Variants in DMD observed in about 807,000 individuals in gnomAD.
The protein encoded by DMD is dystrophin.
Under a neutral mutation model 330.1 loss-of-function variants are expected in DMD, and 63 were observed. The observed-to-expected ratio is 0.19, with a 90% CI of 0.16 to 0.24. The LOEUF is 0.24. DMD is among the 10% of genes least tolerant of loss of function. DMD has a pLI of 1.00. For missense variants in DMD, 3,344 were observed against 2,684.1 expected, an observed-to-expected ratio of 1.25 and a Z score of -5.43; for synonymous variants, 1,223 against 959.8, an observed-to-expected ratio of 1.27 and a Z score of -5.07.
intron 74 of DMD, among the ~76,000 whole-genome samples, chrX:31,166,440 C>G (rs981807899): frequency 9.0e-6 from 1 of 111,220 alleles, no homozygotes; most frequent in Non-Finnish European, 1.9e-5. Flanking sequence ...ATTAACAGAT[C>G]AATAAGTACA....
intron 36 of DMD, 45 bp downstream of exon 36, chrX:32,364,537 A>C (rs1296428269): frequency 1.7e-6 from 2 of 1,187,616 alleles, no homozygotes; most frequent in Non-Finnish European, 2.3e-6. Flanking sequence ...GATTGAAGTA[A>C]CTGGTGTACA....
chrX:31,341,610 T>C (rs781360703), intron 61 of DMD, among the ~76,000 whole-genome samples: 12 of 111,271 alleles, frequency 1.1e-4, no homozygotes, highest in Non-Finnish European at 1.7e-4. Flanking sequence ...TCGTTGGCAA[T>C]AGCAGATAGA....
chrX:33,105,314 C>T (rs2095276083), intron 1 of DMD, among the ~76,000 whole-genome samples: 1 of 111,395 alleles, frequency 9.0e-6, no homozygotes, highest in African/African-American at 3.3e-5. Context: ...AGACCTGAAA[C>T]CATAAAACTC....
At chrX:32,763,024 A>G (rs900721305) in intron 7 of DMD, among the ~76,000 whole-genome samples, 5 of 111,235 alleles carry the variant, frequency 4.5e-5, no homozygotes, top group Non-Finnish European at 9.4e-5. Flanking sequence ...AAAATGTCTC[A>G]GTTGACCTTA....
chrX:31,540,605 T>C (rs781692163), intron 55 of DMD, among the ~76,000 whole-genome samples: 17 of 111,929 alleles, frequency 1.5e-4, no homozygotes, highest in African/African-American at 5.2e-4. Flanking sequence ...TACACCAACC[T>C]ATATTTGACT....
At chrX:32,873,895 C>T (rs1052138498) in intron 2 of DMD, among the ~76,000 whole-genome samples, 1 of 112,185 alleles carries the variant, frequency 8.9e-6, no homozygotes, top group African/African-American at 3.2e-5. Context: ...CTAACAAGTC[C>T]TTTGCAATGA....
At chrX:31,957,650 G>A (rs956065234) in intron 45 of DMD, among the ~76,000 whole-genome samples, 4 of 111,616 alleles carry the variant, frequency 3.6e-5, no homozygotes, top group Admixed American at 2.9e-4. Flanking sequence ...ATAGTAGAGA[G>A]AGATAAAATA....
At chrX:32,799,034 TTC>T (rs1349887313) in intron 7 of DMD, among the ~76,000 whole-genome samples, 2 of 111,399 alleles carry the variant, frequency 1.8e-5, no homozygotes, top group African/African-American at 6.5e-5. Context: ...AAAAATATTC[TTC>T]TCTTTTATAG....
At chrX:32,346,707 A>G (rs2097765050) in intron 38 of DMD, among the ~76,000 whole-genome samples, 1 of 111,912 alleles carries the variant, frequency 8.9e-6, no homozygotes, top group African/African-American at 3.2e-5. Context: ...TAATTTAAAT[A>G]CGATCAAATA....
chrX:32,285,771 C>T (rs186821783), intron 43 of DMD, among the ~76,000 whole-genome samples: 2 of 111,280 alleles, frequency 1.8e-5, no homozygotes, highest in East Asian at 5.7e-4. Context: ...TGGATTTGGG[C>T]TCACTGCAGC....
At chrX:33,304,393 C>T (rs1216130565) in intron 1 of DMD, among the ~76,000 whole-genome samples, 6 of 111,326 alleles carry the variant, frequency 5.4e-5, no homozygotes, top group African/African-American at 9.8e-5. Context: ...ATCCCTTCCT[C>T]ACACCTTATA....
chrX:33,141,298 G>A (rs912919681), intron 1 of DMD, among the ~76,000 whole-genome samples: 4 of 111,189 alleles, frequency 3.6e-5, no homozygotes, highest in African/African-American at 1.3e-4. Context: ...AAGGCCTGCT[G>A]GAGTCAGGAA....
At chrX:33,112,482 G>A (rs1043342092) in intron 1 of DMD, among the ~76,000 whole-genome samples, 19 of 111,180 alleles carry the variant, frequency 1.7e-4, no homozygotes, top group African/African-American at 5.2e-4. Context: ...AACGCTATGC[G>A]GTTTATTGAC....
At chrX:32,898,744 G>A (rs1178785927) in intron 2 of DMD, among the ~76,000 whole-genome samples, 1 of 111,264 alleles carries the variant, frequency 9.0e-6, no homozygotes, top group African/African-American at 3.3e-5. Flanking sequence ...GATCACTTTT[G>A]TTGCCATCTG....
Position 32,465,789 on chromosome X carries a change from T to A in DMD, c.3163-1090A>T, listed in dbSNP as rs12687645. 1.3e-4 allele frequency among the ~76,000 whole-genome samples: 14 copies of A among 110,128 alleles called. No individual in the cohort carries two copies. The East Asian group carries it at 4.1e-3, about 32-fold the overall frequency. ...TTAGTAGAGACAGGGTTTCGCCATGTTGGCCAGCATGGTCTTGATCTCTTG... is the reference window on the plus strand; with the variant it reads ...TTAGTAGAGACAGGGTTTCGCCATGATGGCCAGCATGGTCTTGATCTCTTG... On this transcript the variant is annotated intron_variant, in intron 23 of 78. Coordinates refer to ENST00000357033, the MANE Select transcript of DMD (RefSeq NM_004006.3).
chrX:32,810,158 TACA>T (rs1305303621), intron 6 of DMD, among the ~76,000 whole-genome samples: 1 of 110,275 alleles, frequency 9.1e-6, no homozygotes, highest in Non-Finnish European at 1.9e-5. Flanking sequence ...CTTAAATACA[TACA>T]ACGTTTATTT....
chrX:32,667,617 T>G (rs1166243876), intron 9 of DMD, among the ~76,000 whole-genome samples: 1 of 111,767 alleles, frequency 8.9e-6, no homozygotes, highest in Non-Finnish European at 1.9e-5. Context: ...AGTTTACTGT[T>G]ACTGAAAGCA....
intron 54 of DMD, among the ~76,000 whole-genome samples, chrX:31,637,876 A>C (rs1276664764): frequency 8.9e-6 from 1 of 111,777 alleles, no homozygotes; most frequent in East Asian, 2.8e-4. Flanking sequence ...GATGTTTAAA[A>C]ATGAGAATGA....
intron 63 of DMD, among the ~76,000 whole-genome samples, chrX:31,230,663 AG>A (rs59238451): frequency 0.1 from 10,831 of 107,203 alleles, 493 homozygotes; most frequent in African/African-American, 0.16. Context: ...AAAAAAAAAA[AG>A]GGAGAGAAGC....
Sources: allele counts gnomAD v4.1 joint callset (sites outside exome capture counted in the v4.1 genomes callset), GRCh38; gene constraint gnomAD v4.1.1; transcripts MANE v1.5; gene names NCBI Gene and HGNC (gene_info 2026-07-23, HGNC 2026-07-21).